Variants in CPNE4 observed in about 807,000 individuals in gnomAD.
CPNE4 encodes copine 4, also known as copine-4.
Under a neutral mutation model 67.9 loss-of-function variants are expected in CPNE4, and 25 were observed. The observed-to-expected ratio is 0.37, with a 90% CI of 0.27 to 0.51. CPNE4 has a LOEUF of 0.51. Among genes scored for constraint, CPNE4 ranks in the 20% least tolerant of loss-of-function variants. The pLI is 0.93. For missense variants in CPNE4, 464 were observed against 690.8 expected (o/e 0.67, Z 3.68); for synonymous variants, 242 against 244.9 (o/e 0.99, Z 0.11).
chr3:131,639,758 A>G (rs941333917), intron 7 of CPNE4, among the ~76,000 whole-genome samples: 1 of 152,216 alleles, frequency 6.6e-6, no homozygotes, highest in Non-Finnish European at 1.5e-5. Flanking sequence ...AAAATCTTCA[A>G]CAAAATACTA....
At chr3:131,731,689 G>T (rs765632224) in intron 2 of CPNE4, among the ~76,000 whole-genome samples, 2 of 152,116 alleles carry the variant, frequency 1.3e-5, no homozygotes, top group Non-Finnish European at 2.9e-5. Flanking sequence ...GTTCTTCATG[G>T]TCCAAACTAG....
At chr3:131,756,406 T>C (rs2082751432) in intron 2 of CPNE4, among the ~76,000 whole-genome samples, 1 of 152,240 alleles carries the variant, frequency 6.6e-6, no homozygotes, top group Non-Finnish European at 1.5e-5. Context: ...TATCTCACTA[T>C]CTAGAGCCTG....
chr3:131,736,919 C>T (rs1473468368), intron 2 of CPNE4, among the ~76,000 whole-genome samples: 2 of 152,048 alleles, frequency 1.3e-5, no homozygotes, highest in Non-Finnish European at 1.5e-5. Flanking sequence ...AAATTAATCT[C>T]AACAGATCTT....
At position 131,717,935 on chromosome 3, in the gene CPNE4, T is replaced by TTTC. The variant is rs1331588183; in HGVS notation, c.360+5508_360+5510dup. 3.6e-5 allele frequency among the ~76,000 whole-genome samples: 5 copies of TTTC among 139,454 alleles called. No individual in the cohort carries two copies. In the South Asian group the frequency reaches 1.2e-3, roughly 32 times the overall value. 91.5% of individuals were successfully genotyped at this position (139,454 alleles called of 152,430 possible). A position where few individuals can be genotyped will look rare whatever the true frequency, so the allele number is the denominator to read the frequency against. ...CTTTCTTTCTTTCTTTCTTTCTTTC[T>TTTC]TTCTTTCTTTTCTTTCTTTCTCTCT... is the stretch of plus-strand genomic sequence containing the variant. On this transcript the variant is annotated intron_variant, in intron 3 of 15. Transcript: ENST00000429747.
chr3:131,986,852 A>T (rs1008072496), intron 1 of CPNE4, among the ~76,000 whole-genome samples: 1 of 112,708 alleles, frequency 8.9e-6, no homozygotes, highest in Admixed American at 9.3e-5. Flanking sequence ...ACAAAAAAAA[A>T]CAAAAACAAA....
chr3:131,569,683 GAAGA>G (rs1193909995), intron 10 of CPNE4, among the ~76,000 whole-genome samples: 23 of 150,496 alleles, frequency 1.5e-4, no homozygotes, highest in African/African-American at 4.4e-4. Flanking sequence ...AAGAAGAAAG[GAAGA>G]AAGAAAGAAA....
chr3:131,970,596 G>A (rs749587781), intron 1 of CPNE4, among the ~76,000 whole-genome samples: 7 of 152,106 alleles, frequency 4.6e-5, no homozygotes, highest in Non-Finnish European at 1.0e-4. Context: ...AATTTAAGGG[G>A]ATGGGGTTTA....
At chr3:131,669,262 T>C (rs988476197) in intron 7 of CPNE4, among the ~76,000 whole-genome samples, 1 of 152,188 alleles carries the variant, frequency 6.6e-6, no homozygotes, top group African/African-American at 2.4e-5. Flanking sequence ...CCTAGATTAG[T>C]TCATCCCAAC....
chr3:131,789,842 G>A (rs1157890800), intron 2 of CPNE4, among the ~76,000 whole-genome samples: 5 of 152,136 alleles, frequency 3.3e-5, no homozygotes, highest in African/African-American at 1.2e-4. Context: ...AATCAAGTTA[G>A]AATTCTGCAC....
rs192538211 is a variant in CPNE4, at chr3:131,673,958, T to C, written c.592-4194A>G. 3.1e-3 allele frequency among the ~76,000 whole-genome samples: 468 copies of C among 152,176 alleles called. 1 individual carries two copies. The highest frequency in any genetic ancestry group is 0.01 in the Middle Eastern group (3 of 294). Reference sequence around the variant, plus strand: ...GATACTAGCTGTGGGCTGTTGTATATGGCTTTTGTTGTGTTGACGTATGTT... The same window carrying C: ...GATACTAGCTGTGGGCTGTTGTATACGGCTTTTGTTGTGTTGACGTATGTT... On this transcript the variant is annotated intron_variant, in intron 6 of 15. Coordinates refer to ENST00000429747, the MANE Select transcript of CPNE4 (RefSeq NM_130808.3).
intron 2 of CPNE4, among the ~76,000 whole-genome samples, chr3:131,874,842 A>G (rs1156622296): frequency 1.3e-5 from 2 of 152,194 alleles, no homozygotes; most frequent in Non-Finnish European, 2.9e-5. Context: ...GTCAAATTAA[A>G]CATTAAAAAA....
At chr3:132,008,830 TG>T (rs1425446154) in intron 1 of CPNE4, among the ~76,000 whole-genome samples, 1 of 152,126 alleles carries the variant, frequency 6.6e-6, no homozygotes, top group Non-Finnish European at 1.5e-5. Context: ...AAGAAGGAGA[TG>T]TCTCACTCTA....
chr3:131,812,220 GA>G (rs34281349), intron 2 of CPNE4, among the ~76,000 whole-genome samples: 35,478 of 135,002 alleles, frequency 0.26, 4,912 homozygotes, highest in African/African-American at 0.42. Context: ...AAAATTGGAA[GA>G]AAAAAAAAAA....
chr3:131,834,626 C>A (rs1266707302), intron 2 of CPNE4, among the ~76,000 whole-genome samples: 2 of 151,614 alleles, frequency 1.3e-5, no homozygotes, highest in Admixed American at 6.6e-5. Context: ...AAATAAAAAT[C>A]AATTCAAGAT....
intron 2 of CPNE4, among the ~76,000 whole-genome samples, chr3:131,830,371 G>A (rs1452717637): frequency 6.6e-6 from 1 of 152,072 alleles, no homozygotes; most frequent in Non-Finnish European, 1.5e-5. Context: ...CTGGCAACCA[G>A]CTGACAGGGT....
chr3:131,818,960 T>G (rs112162889), intron 2 of CPNE4, among the ~76,000 whole-genome samples: 4,800 of 152,090 alleles, frequency 0.032, 173 homozygotes, highest in South Asian at 0.095. Context: ...ATTAGCCAGG[T>G]GTACTGGTGG....
At chr3:131,598,252 T>TA (rs1939005272) in intron 7 of CPNE4, among the ~76,000 whole-genome samples, 1 of 152,330 alleles carries the variant, frequency 6.6e-6, no homozygotes, top group Admixed American at 6.5e-5. Flanking sequence ...TTCAGTTTCC[T>TA]ACTCTATAAA....
chr3:131,955,419 T>TTTGTTTTTTTTTTGTTTTTTTTG (rs1560674366), intron 1 of CPNE4, among the ~76,000 whole-genome samples: 13 of 127,306 alleles, frequency 1.0e-4, no homozygotes, highest in African/African-American at 3.9e-4. Context: ...GGTTTTTTTT[T>TTTGTTTTTTTTTTGTTTTTTTTG]TTTTTTTTTT....
intron 2 of CPNE4, among the ~76,000 whole-genome samples, chr3:131,767,629 A>T (rs984758466): frequency 3.9e-5 from 6 of 151,946 alleles, no homozygotes. Context: ...CCCAGCCACA[A>T]TTTTTTCCTC....
Sources: allele counts gnomAD v4.1 joint callset (sites outside exome capture counted in the v4.1 genomes callset), GRCh38; gene constraint gnomAD v4.1.1; transcripts MANE v1.5; gene names NCBI Gene and HGNC (gene_info 2026-07-23, HGNC 2026-07-21).